CLASP1: variants seen among roughly 807,000 people sequenced by gnomAD.
The protein encoded by CLASP1 is cytoplasmic linker associated protein 1, also known as CLIP-associating protein 1.
A neutral mutation model predicts 192.3 loss-of-function variants in CLASP1; 38 were observed. The observed-to-expected ratio is 0.20, with a 90% CI of 0.15 to 0.26. The LOEUF (loss-of-function observed/expected upper bound fraction) is 0.26. Ranked by LOEUF, CLASP1 falls within the 10% of genes least tolerant of loss-of-function variation. The pLI is 1.00. For missense variants in CLASP1, 1,433 were observed against 1,932.5 expected, an observed-to-expected ratio of 0.74 and a Z score of 4.85; for synonymous variants, 691 against 712.8, an observed-to-expected ratio of 0.97 and a Z score of 0.49.
intron 8 of CLASP1, among the ~76,000 whole-genome samples, chr2:121,492,297 T>C (rs1026295875): frequency 7.1e-6 from 1 of 140,636 alleles, no homozygotes; most frequent in African/African-American, 2.7e-5. Context: ...GCTGAGGCAG[T>C]AGAATGGTGA....
At chr2:121,394,657 G>A (rs955644817) in intron 30 of CLASP1, among the ~76,000 whole-genome samples, 5 of 152,166 alleles carry the variant, frequency 3.3e-5, no homozygotes, top group Non-Finnish European at 7.3e-5. Flanking sequence ...CAAGGTGGGC[G>A]GATCACGAGG....
chr2:121,596,126 C>T (rs1389284921), intron 2 of CLASP1, among the ~76,000 whole-genome samples: 1 of 152,190 alleles, frequency 6.6e-6, no homozygotes, highest in Non-Finnish European at 1.5e-5. Flanking sequence ...AGAAATGCCA[C>T]TAATTACATA....
chr2:121,470,293 C>CTTTTTTTTTTTTTTTTTTTT, intron 8 of CLASP1: 2 of 306,462 alleles, frequency 6.5e-6, no homozygotes, highest in Non-Finnish European at 1.2e-5. Flanking sequence ...ACCATCCATG[C>CTTTTTTTTTTTTTTTTTTTT]TTTTTTTTTT....
intron 2 of CLASP1, chr2:121,531,101 G>GACGCGTGGTTTTAGTGTCGCA: frequency 1.5e-6 from 1 of 649,542 alleles, no homozygotes; most frequent in Non-Finnish European, 2.8e-6. Flanking sequence ...GGGTGCACAA[G>GACGCGTGGTTTTAGTGTCGCA]ACGCGTGGTT....
intron 38 of CLASP1, among the ~76,000 whole-genome samples, chr2:121,348,098 A>C (rs891927101): frequency 1.3e-5 from 2 of 152,036 alleles, no homozygotes; most frequent in African/African-American, 4.8e-5. Flanking sequence ...TGTCTCACTT[A>C]CTGTCTCATG....
rs2068486412 is a variant in CLASP1, at chr2:121,626,931, A to G, written c.-285-20751T>C. 2.0e-5 allele frequency among the ~76,000 whole-genome samples: 3 copies of G among 152,242 alleles called. No individual in the cohort carries two copies. In the South Asian group the frequency reaches 6.2e-4, roughly 32 times the overall value. On this transcript the variant is annotated intron_variant, in intron 1 of 39. Coordinates refer to ENST00000263710, the Ensembl canonical transcript of CLASP1. ...TGAAAAGCTTGAATATAGAGGAACA[A>G]CTAGTACCTGGCACAGCACCTCATA...
At chr2:121,606,385 G>C (rs1003115757) in intron 1 of CLASP1, among the ~76,000 whole-genome samples, 1 of 152,180 alleles carries the variant, frequency 6.6e-6, no homozygotes, top group Admixed American at 6.5e-5. Context: ...GCCCAAAGAA[G>C]AGCCAATGAG....
chr2:121,635,259 T>C (rs889060720), intron 1 of CLASP1, among the ~76,000 whole-genome samples: 36 of 151,980 alleles, frequency 2.4e-4, no homozygotes, highest in East Asian at 1.9e-4. Flanking sequence ...AATGACTCTG[T>C]TGATTGACAA....
chr2:121,649,095 A>AG lies in CLASP1; in HGVS notation c.-286+276dup, dbSNP rs1417424259. On this transcript the variant is annotated intron_variant, in intron 1 of 39. Coordinates refer to ENST00000263710, the Ensembl canonical transcript of CLASP1. ...TGGGGTCTGGAAAAGGGAAACAGAG[A>AG]GGGGCACACAAAGCCCGACTGACCC... 6.6e-5 allele frequency among the ~76,000 whole-genome samples: 10 copies of AG among 152,100 alleles called. No homozygotes were observed. In the East Asian group the frequency reaches 1.7e-3, roughly 26 times the overall value.
At chr2:121,600,631 T>G (rs2063685069) in intron 2 of CLASP1, among the ~76,000 whole-genome samples, 1 of 152,252 alleles carries the variant, frequency 6.6e-6, no homozygotes, top group Non-Finnish European at 1.5e-5. Context: ...CTCTGTATAT[T>G]TGCATTACTG....
chr2:121,581,643 G>A (rs2061183278), intron 2 of CLASP1, among the ~76,000 whole-genome samples: 1 of 152,188 alleles, frequency 6.6e-6, no homozygotes, highest in Admixed American at 6.5e-5. Context: ...CCAACACTTT[G>A]GAAGGTCAAG....
At chr2:121,492,177 C>T (rs2093339790) in intron 8 of CLASP1, among the ~76,000 whole-genome samples, 1 of 151,928 alleles carries the variant, frequency 6.6e-6, no homozygotes, top group African/African-American at 2.4e-5. Context: ...ATCACGAGGT[C>T]AGGAGATCGA....
intron 22 of CLASP1, among the ~76,000 whole-genome samples, chr2:121,424,400 C>T (rs1258084469): frequency 1.3e-5 from 2 of 152,122 alleles, no homozygotes; most frequent in Non-Finnish European, 2.9e-5. Flanking sequence ...ATACAGTAGT[C>T]TGATTTTATA....
chr2:121,479,468 C>T (rs1253148282), intron 8 of CLASP1, among the ~76,000 whole-genome samples: 1 of 152,128 alleles, frequency 6.6e-6, no homozygotes, highest in African/African-American at 2.4e-5. Context: ...TCTTAAGATC[C>T]AGTAAAGACA....
At chr2:121,529,789 G>A (rs2094705603) in intron 3 of CLASP1, among the ~76,000 whole-genome samples, 1 of 152,178 alleles carries the variant, frequency 6.6e-6, no homozygotes, top group African/African-American at 2.4e-5. Flanking sequence ...CAACTGGCTT[G>A]GTTTTATAGG....
rs557399195 is a variant in CLASP1 at position 121,566,411 on chromosome 2, C to T, written c.196-36086G>A. Reference sequence around the variant, plus strand: ...GTGTTAAAAGTAATAGTCTGTAAAACGTAAGCAATAAGTGGAAACAACTTG... The same window carrying T: ...GTGTTAAAAGTAATAGTCTGTAAAATGTAAGCAATAAGTGGAAACAACTTG... On this transcript the variant is annotated intron_variant, in intron 2 of 39. Coordinates refer to ENST00000263710, the Ensembl canonical transcript of CLASP1. 1.4e-4 allele frequency among the ~76,000 whole-genome samples: 21 copies of T among 152,282 alleles called. No homozygotes were observed. The South Asian group carries it at 3.5e-3, about 26-fold the overall frequency.
chr2:121,356,920 C>A (rs1053646021), intron 37 of CLASP1, among the ~76,000 whole-genome samples: 1 of 150,856 alleles, frequency 6.6e-6, no homozygotes, highest in Non-Finnish European at 1.5e-5. Flanking sequence ...GGGCTGGGAG[C>A]CCAGGAGGTG....
intron 39 of CLASP1, among the ~76,000 whole-genome samples, chr2:121,341,441 T>G (rs2062778802): frequency 6.6e-6 from 1 of 152,174 alleles, no homozygotes; most frequent in Non-Finnish European, 1.5e-5. Flanking sequence ...ACACCACGCC[T>G]GACAGTACTT....
Position 121,387,932 on chromosome 2 carries a change from T to A in CLASP1, c.3124-26A>T, listed in dbSNP as rs1278859640. 8.3e-6 allele frequency: 13 copies of A among 1,571,776 alleles called. No homozygotes were observed. The Admixed American group carries it at 1.7e-4, about 20-fold the overall frequency. ...CTAGAAAAAGGAACCATGATTAATT[T>A]ATGTAATGTACAATAGGTCATCAAA... On this transcript the variant is annotated intron_variant, in intron 30 of 39. Coordinates refer to ENST00000263710, the Ensembl canonical transcript of CLASP1.
Sources: gnomAD v4.1 joint callset for allele counts (sites outside exome capture counted in the v4.1 genomes callset) on GRCh38, gnomAD v4.1.1 for gene constraint, MANE v1.5 for transcripts, NCBI Gene and HGNC (gene_info 2026-07-23, HGNC 2026-07-21) for gene names.